KCNH5: variants seen among roughly 807,000 people sequenced by gnomAD.
KCNH5 encodes the protein voltage-gated delayed rectifier potassium channel KCNH5.
A neutral mutation model predicts 96.1 loss-of-function variants in KCNH5; 46 were observed. That is an observed-to-expected ratio of 0.48 (90% CI 0.38 to 0.61). KCNH5 has a LOEUF of 0.61. Among genes scored for constraint, KCNH5 ranks in the 20% least tolerant of loss-of-function variants. The pLI is 0.00. For missense variants in KCNH5, 907 were observed against 1,225.8 expected (o/e 0.74, Z 3.88); for synonymous variants, 439 against 449.8 (o/e 0.98, Z 0.30).
rs2139898715 is a variant in KCNH5, at chr14:62,707,802, C to T, written c.2673G>A (p.Gln891=). The T allele has an allele frequency of 1.2e-6, 2 of 1,614,152 alleles. No individual in the cohort carries two copies. The highest frequency in any genetic ancestry group is 1.7e-6 in the Non-Finnish European group (2 of 1,180,034). The change falls in exon 11 of 11, where the codon CAG becomes CAA. Residue 891 remains glutamine (Q), a synonymous_variant. Coordinates refer to ENST00000322893, the MANE Select transcript of KCNH5 (RefSeq NM_139318.5). ...ARSPLEHSPI[Q]ADAKHPFYPI... Reference sequence around the variant, plus strand: ...GATAAAAGGGGTGCTTGGCATCAGCCTGGATGGGACTGTGCTCTAGCGGAC... The same window carrying T: ...GATAAAAGGGGTGCTTGGCATCAGCTTGGATGGGACTGTGCTCTAGCGGAC...
At chr14:62,708,629 T>C (rs560096798) in intron 10 of KCNH5, among the ~76,000 whole-genome samples, 174 bp from the exon 11 acceptor site, 2 of 152,150 alleles carry the variant, frequency 1.3e-5, no homozygotes, top group Non-Finnish European at 2.9e-5. Context: ...ATTTATGAAA[T>C]TTATGGATGC....
rs566092869 is a variant in KCNH5, at chr14:62,946,255, C to T, written c.1369+3878G>A. Reference sequence around the variant, plus strand: ...TCTAGGATGATTCCCAACTTCGGGGCCTCAGAAACAAAGTAAATAATTGTG... The same window carrying T: ...TCTAGGATGATTCCCAACTTCGGGGTCTCAGAAACAAAGTAAATAATTGTG... On this transcript the variant is annotated intron_variant, in intron 7 of 10. Transcript: ENST00000322893. Among the ~76,000 whole-genome samples, 16 of 152,010 alleles carry T rather than the reference C, an allele frequency of 1.1e-4. 1 individual carries two copies. In the East Asian group the frequency reaches 2.9e-3, roughly 28 times the overall value.
chr14:62,822,658 T>C (rs1887138619), intron 8 of KCNH5, among the ~76,000 whole-genome samples: 1 of 141,440 alleles, frequency 7.1e-6, no homozygotes, highest in South Asian at 2.2e-4. Context: ...TTAAGTGTAC[T>C]ACGTAAAATG....
At chr14:62,890,261 C>G (rs1390104817) in intron 7 of KCNH5, among the ~76,000 whole-genome samples, 5 of 152,090 alleles carry the variant, frequency 3.3e-5, no homozygotes, top group African/African-American at 1.2e-4. Context: ...AGCTTCTGCA[C>G]AGCAAAAGAA....
Position 62,701,190 on chromosome 14 carries a change from A to G in KCNH5, c.*6318T>C, listed in dbSNP as rs1035928722. 3.3e-5 allele frequency: 5 copies of G among 152,174 alleles called. No homozygotes were observed. The highest frequency in any genetic ancestry group is 7.4e-5 in the Non-Finnish European group (5 of 68,004). The allele number at this position is 152,174 out of a possible 1,614,324, so 9.4% of individuals were successfully genotyped here. A position where few individuals can be genotyped will look rare whatever the true frequency, so the allele number is the denominator to read the frequency against. On this transcript the variant is annotated 3_prime_UTR_variant, in exon 11 of 11. Transcript: ENST00000322893. ...TTTGTAGGTCAGAACCAGAGGTTCT[A>G]AACTCATTGGTTGGTGGGAGAACAC...
rs1040562186 is a variant in KCNH5, at chr14:62,835,524, G to A, written c.1569+14129C>T. ...ATTAATGTAATACATAATATTCTTA[G>A]GAATACTTTAAGAAAAAATATGTAA... On this transcript the variant is annotated intron_variant, in intron 8 of 10. Coordinates refer to ENST00000322893, the MANE Select transcript of KCNH5 (RefSeq NM_139318.5). Among the ~76,000 whole-genome samples the A allele has an allele frequency of 5.5e-4, 83 of 152,006 alleles. 1 individual carries two copies. Among genetic ancestry groups the A allele is most frequent in the Non-Finnish European group, 2.9e-5 (2 of 67,882 alleles).
intron 9 of KCNH5, among the ~76,000 whole-genome samples, chr14:62,795,464 G>C (rs1886521399): frequency 6.6e-6 from 1 of 152,096 alleles, no homozygotes; most frequent in African/African-American, 2.4e-5. Context: ...TATGTACATA[G>C]CATTCACATT....
chr14:63,012,321 C>T (rs751736759), intron 2 of KCNH5, among the ~76,000 whole-genome samples: 11 of 152,084 alleles, frequency 7.2e-5, no homozygotes, highest in Non-Finnish European at 1.3e-4. Flanking sequence ...CCTAGGGATC[C>T]GAAAGTGTCA....
intron 7 of KCNH5, among the ~76,000 whole-genome samples, chr14:62,876,012 C>T (rs914970278): frequency 2.0e-5 from 3 of 152,112 alleles, no homozygotes; most frequent in South Asian, 2.1e-4. Context: ...ACTGAAAATA[C>T]AAAAATTAGC....
In KCNH5 at chr14:63,019,038, AG is replaced by A. The variant is rs1891379475; in HGVS notation, c.74-2085del. Among the ~76,000 whole-genome samples the A allele has an allele frequency of 2.0e-5, 3 of 152,236 alleles. No individual in the cohort carries two copies. In the South Asian group the frequency reaches 6.2e-4, roughly 32 times the overall value. On this transcript the variant is annotated intron_variant, in intron 1 of 10. Coordinates refer to ENST00000322893, the MANE Select transcript of KCNH5 (RefSeq NM_139318.5). ...TTGCAAACTGAAGTAAAAGAGAAAA[AG>A]ATTGAAGACATGTTCTGTGGGACAA... is the stretch of plus-strand genomic sequence containing the variant.
intron 10 of KCNH5, among the ~76,000 whole-genome samples, chr14:62,717,665 G>T (rs1306574227): frequency 2.0e-5 from 3 of 152,170 alleles, no homozygotes; most frequent in Non-Finnish European, 4.4e-5. Flanking sequence ...AGACCTAACT[G>T]CAAGAGCTAA....
In KCNH5 at chr14:63,001,251, C is replaced by A. The variant is rs1192279258; in HGVS notation, c.433+80G>T. On this transcript the variant is annotated intron_variant, in intron 4 of 10. Transcript: ENST00000322893. The stretch of plus-strand genomic sequence containing the variant: ...CATAGTAGAATTTTGTTTTCCAGTT[C>A]AATCAGCAGAGGTAAAACAGTAAGA... 9 of 1,308,842 alleles carry A rather than the reference C, an allele frequency of 6.9e-6. 1 individual carries two copies. The Admixed American group carries it at 1.7e-4, about 25-fold the overall frequency. 81.1% of individuals were successfully genotyped at this position (1,308,842 alleles called of 1,614,324 possible).
chr14:62,950,023 G>T, intron 7 of KCNH5, 110 bp downstream of exon 7: 1 of 863,078 alleles, frequency 1.2e-6, no homozygotes, highest in Non-Finnish European at 1.8e-6. Context: ...AAATAAGATG[G>T]ATTAAATACC....
chr14:62,969,398 A>C (rs1890360827), intron 6 of KCNH5, among the ~76,000 whole-genome samples: 2 of 152,234 alleles, frequency 1.3e-5, no homozygotes, highest in African/African-American at 2.4e-5. Flanking sequence ...ATAAAAATTA[A>C]AGCAGAAATA....
At chr14:62,878,297 T>C (rs1003878254) in intron 7 of KCNH5, among the ~76,000 whole-genome samples, 3 of 151,724 alleles carry the variant, frequency 2.0e-5, no homozygotes, top group South Asian at 4.2e-4. Context: ...TGTATACATA[T>C]GTAACTAACC....
At chr14:62,803,102 G>A (rs1243201046) in intron 8 of KCNH5, among the ~76,000 whole-genome samples, 1 of 152,198 alleles carries the variant, frequency 6.6e-6, no homozygotes, top group Non-Finnish European at 1.5e-5. Flanking sequence ...AGTGAGCCAA[G>A]GTCGTGCCAC....
intron 7 of KCNH5, among the ~76,000 whole-genome samples, chr14:62,935,747 G>A (rs1889667797): frequency 6.6e-6 from 1 of 152,196 alleles, no homozygotes; most frequent in Non-Finnish European, 1.5e-5. Context: ...CTGGTACAGA[G>A]ATGAGGAACT....
intron 10 of KCNH5, among the ~76,000 whole-genome samples, chr14:62,725,613 T>A (rs1273988575): frequency 6.6e-6 from 1 of 152,178 alleles, no homozygotes. Flanking sequence ...TTCACAATTT[T>A]GAGAGTCAGC....
chr14:62,880,167 C>T (rs1427018495), intron 7 of KCNH5, among the ~76,000 whole-genome samples: 23 of 152,124 alleles, frequency 1.5e-4, no homozygotes, highest in Admixed American at 1.5e-3. Context: ...AAGGGCATTG[C>T]AACAGTTTCT....
Sources: allele counts gnomAD v4.1 joint callset (sites outside exome capture counted in the v4.1 genomes callset), GRCh38; gene constraint gnomAD v4.1.1; transcripts MANE v1.5; gene names NCBI Gene and HGNC (gene_info 2026-07-23, HGNC 2026-07-21).